CDH23: variants seen among roughly 807,000 people sequenced by gnomAD.
The protein encoded by CDH23 is cadherin related 23.
Under a neutral mutation model 317.1 loss-of-function variants are expected in CDH23, and 189 were observed. The observed-to-expected ratio is 0.60, with a 90% CI of 0.53 to 0.67. The LOEUF (loss-of-function observed/expected upper bound fraction) is 0.67. Among genes scored for constraint, CDH23 ranks in the 30% least tolerant of loss-of-function variants. The probability of loss-of-function intolerance (pLI) is 0.00; values close to 1 mark genes in which losing one functional copy is unlikely to be tolerated. For missense variants in CDH23, 4,401 were observed against 4,592.4 expected, an observed-to-expected ratio of 0.96 and a Z score of 1.20; for synonymous variants, 1,839 against 1,876.8, an observed-to-expected ratio of 0.98 and a Z score of 0.52.
At chr10:71,706,364 C>A (rs2040895895) in intron 25 of CDH23, among the ~76,000 whole-genome samples, 1 of 152,138 alleles carries the variant, frequency 6.6e-6, no homozygotes, top group South Asian at 2.1e-4. Context: ...AGGCTCCAGC[C>A]CTCCACTGTG....
intron 14 of CDH23, among the ~76,000 whole-genome samples, chr10:71,671,960 G>A (rs942124725): frequency 5.9e-5 from 9 of 152,138 alleles, no homozygotes; most frequent in African/African-American, 2.2e-4. Flanking sequence ...TACCTTTCTT[G>A]AGCTGCCTTT....
intron 20 of CDH23, among the ~76,000 whole-genome samples, chr10:71,692,340 A>C (rs970568146): frequency 1.3e-5 from 2 of 152,130 alleles, no homozygotes; most frequent in Non-Finnish European, 2.9e-5. Context: ...AATGACACAG[A>C]CATTTTCTTG....
Position 71,694,339 on chromosome 10 carries a change from G to A in CDH23, c.2289+80G>A, listed in dbSNP as rs1478798287. 33 of 1,100,914 alleles carry A rather than the reference G, an allele frequency of 3.0e-5. 1 individual carries two copies. The highest frequency in any genetic ancestry group is 1.6e-4 in the South Asian group (12 of 73,954). 68.2% of individuals were successfully genotyped at this position (1,100,914 alleles called of 1,614,324 possible). ...TCCCTGCTTGTACCTCTGGACCCCCGTGTCCTGAGCCAGTGTGAGGCTTTG... is the reference window on the plus strand; with the variant it reads ...TCCCTGCTTGTACCTCTGGACCCCCATGTCCTGAGCCAGTGTGAGGCTTTG... On this transcript the variant is annotated intron_variant, in intron 21 of 69. Transcript: ENST00000224721.
intron 28 of CDH23, among the ~76,000 whole-genome samples, chr10:71,720,886 C>T (rs1414554103): frequency 3.9e-5 from 6 of 152,160 alleles, no homozygotes; most frequent in Non-Finnish European, 7.4e-5. Flanking sequence ...TTGGTGTTTC[C>T]CCTGTGCTGG....
At chr10:71,434,107 T>A (rs539229803) in intron 1 of CDH23, among the ~76,000 whole-genome samples, 2 of 152,128 alleles carry the variant, frequency 1.3e-5, no homozygotes, top group South Asian at 4.1e-4. Flanking sequence ...GCACTAGGCA[T>A]GCTCTTGCCT....
At chr10:71,694,638 C>A (rs1441844503) in intron 21 of CDH23, among the ~76,000 whole-genome samples, 1 of 152,142 alleles carries the variant, frequency 6.6e-6, no homozygotes, top group Non-Finnish European at 1.5e-5. Flanking sequence ...GGAAGCAGGG[C>A]CCTGGAGGGT....
intron 8 of CDH23, among the ~76,000 whole-genome samples, chr10:71,572,750 T>C (rs12049760): frequency 0.1 from 15,536 of 152,204 alleles, 957 homozygotes; most frequent in East Asian, 0.27. Flanking sequence ...TAGAATTAAC[T>C]CTCTCTATGC....
intron 2 of CDH23, among the ~76,000 whole-genome samples, chr10:71,440,335 C>T (rs1589310168): frequency 6.6e-6 from 1 of 152,106 alleles, no homozygotes; most frequent in East Asian, 1.9e-4. Context: ...AGCTCAGAGC[C>T]TGGCAGGGGA....
intron 38 of CDH23, among the ~76,000 whole-genome samples, chr10:71,768,193 T>C (rs1237947012): frequency 3.3e-5 from 5 of 152,166 alleles, no homozygotes; most frequent in African/African-American, 4.8e-5. Context: ...TTGTTTGAGA[T>C]GGAGTCTCGC....
chr10:71,760,314 C>T (rs199812506), intron 38 of CDH23, among the ~76,000 whole-genome samples: 9,904 of 82,190 alleles, frequency 0.12, 1,751 homozygotes, highest in East Asian at 0.3. Flanking sequence ...TATACACACA[C>T]ATATATATAT....
intron 3 of CDH23, among the ~76,000 whole-genome samples, chr10:71,479,431 G>C (rs1040242019): frequency 1.3e-5 from 2 of 152,160 alleles, no homozygotes; most frequent in Non-Finnish European, 2.9e-5. Flanking sequence ...AGGAGTGAGA[G>C]GGGAAGGGAC....
intron 1 of CDH23, among the ~76,000 whole-genome samples, chr10:71,409,937 C>T (rs1203639085): frequency 1.4e-4 from 22 of 152,164 alleles, no homozygotes; most frequent in Admixed American, 1.4e-3. Context: ...GTGGGTGTGG[C>T]CAGGGCTCTG....
At chr10:71,584,833 T>C (rs1858938071) in intron 9 of CDH23, among the ~76,000 whole-genome samples, 2 of 152,196 alleles carry the variant, frequency 1.3e-5, no homozygotes, top group South Asian at 4.1e-4. Context: ...GGTAGCACAA[T>C]GGCTGCCTGG....
chr10:71,718,564 C>T (rs1184574275), intron 28 of CDH23, among the ~76,000 whole-genome samples: 6 of 152,212 alleles, frequency 3.9e-5, no homozygotes, highest in East Asian at 1.9e-4. Flanking sequence ...GTGTGCCCAC[C>T]GCTCATTCCC....
rs757305641 is a variant in CDH23, at chr10:71,705,118, C to T, written c.2941C>T (p.Leu981Phe). The T allele has an allele frequency of 5.6e-6, 9 of 1,610,294 alleles. No homozygotes were observed. In the Admixed American group the frequency reaches 1.0e-4, roughly 18 times the overall value. The change falls in exon 25 of 70, where the codon CTC becomes TTC. Residue 981 changes from leucine to phenylalanine, a missense_variant. Transcript: ENST00000224721. ...GTPTKSSTST[L>F]TIHVLDVNDE... ...GCCCACCAAGAGCTCCACCAGCACG[C>T]TCACCATCCATGGTGAGGGGGCGCA...
chr10:71,603,587 A>C (rs1860356052), intron 9 of CDH23, among the ~76,000 whole-genome samples: 1 of 152,152 alleles, frequency 6.6e-6, no homozygotes, highest in Admixed American at 6.5e-5. Context: ...CAGGCCCCGG[A>C]GGTAACCGGG....
rs757732793 is a variant in CDH23, at chr10:71,566,777, T to A, written c.465T>A (p.Asn155Lys). 1 of 1,610,546 alleles carries A rather than the reference T, an allele frequency of 6.2e-7. No individual in the cohort carries two copies. The highest frequency in any genetic ancestry group is 8.5e-7 in the Non-Finnish European group (1 of 1,177,102). The change falls in exon 7 of 70, where the codon AAT becomes AAA. Residue 155 changes from asparagine to lysine, a missense_variant. Physicochemically the swap from Asn to Lys is moderately conservative, Grantham distance 94. Transcript: ENST00000224721. ...TPVGTPIFIV[N>K]ATDPDLGAGG... ...TGGGGACGCCCATCTTCATCGTGAA[T>A]GCCACAGACCCCGACTTGGGGGCAG...
chr10:71,748,881 CATGG>C (rs1320575031), intron 38 of CDH23: 1 of 152,802 alleles, frequency 6.5e-6, no homozygotes, highest in African/African-American at 2.4e-5. Flanking sequence ...GGCCTGTGGC[CATGG>C]ATGAAGATGG....
intron 9 of CDH23, among the ~76,000 whole-genome samples, chr10:71,590,785 G>A (rs1859413258): frequency 1.3e-5 from 2 of 148,742 alleles, no homozygotes. Context: ...AGAATCACTT[G>A]AGCCCAGGGG....
Sources: allele counts gnomAD v4.1 joint callset (sites outside exome capture counted in the v4.1 genomes callset), GRCh38; gene constraint gnomAD v4.1.1; transcripts MANE v1.5; gene names NCBI Gene and HGNC (gene_info 2026-07-23, HGNC 2026-07-21).